FLI1: variants seen among roughly 807,000 people sequenced by gnomAD.
The protein encoded by FLI1 is Friend leukemia integration 1 transcription factor.
Under a neutral mutation model 53.1 loss-of-function variants are expected in FLI1, and 13 were observed. The ratio of observed to expected loss-of-function variants is 0.24; its 90% confidence interval spans 0.16 to 0.39. The LOEUF (loss-of-function observed/expected upper bound fraction) is 0.39, where lower values mean the gene tolerates loss of function less well. FLI1 is among the 10% of genes least tolerant of loss of function. The pLI is 1.00. For synonymous variants in FLI1, 244 were observed against 236.7 expected (o/e 1.03, Z -0.28); for missense variants, 424 against 600.5 (o/e 0.71, Z 3.07).
At chr11:128,759,446 A>G (rs1941025831) in intron 2 of FLI1, among the ~76,000 whole-genome samples, 9 of 152,242 alleles carry the variant, frequency 5.9e-5, no homozygotes, top group Admixed American at 5.9e-4. Context: ...AGTCAGAAAG[A>G]CAAGTGAAGA....
intron 1 of FLI1, among the ~76,000 whole-genome samples, chr11:128,736,275 C>T (rs748232757): frequency 1.3e-5 from 2 of 148,624 alleles, no homozygotes; most frequent in Non-Finnish European, 3.0e-5. Context: ...AGACAAAGAA[C>T]ACCTGATAAT....
intron 1 of FLI1, among the ~76,000 whole-genome samples, chr11:128,703,433 G>A (rs747971366): frequency 2.0e-5 from 3 of 152,124 alleles, no homozygotes; most frequent in African/African-American, 4.8e-5. Flanking sequence ...AAACAAAGGA[G>A]GAAAGATTCA....
intron 1 of FLI1, among the ~76,000 whole-genome samples, chr11:128,719,885 A>G (rs887833387): frequency 6.6e-6 from 1 of 152,222 alleles, no homozygotes; most frequent in Admixed American, 6.5e-5. Context: ...TAGTAAGCCC[A>G]TCCTGCAGGT....
chr11:128,791,126 G>A (rs1379643063), intron 5 of FLI1, among the ~76,000 whole-genome samples: 1 of 152,108 alleles, frequency 6.6e-6, no homozygotes, highest in African/African-American at 2.4e-5. Context: ...ATTCAGCTCT[G>A]TGGGACCGCT....
At chr11:128,744,345 C>T (rs1017800448) in intron 1 of FLI1, among the ~76,000 whole-genome samples, 5 of 152,320 alleles carry the variant, frequency 3.3e-5, no homozygotes, top group African/African-American at 1.2e-4. Context: ...GATCATGTAG[C>T]TCAGTCCTTT....
intron 2 of FLI1, among the ~76,000 whole-genome samples, chr11:128,766,389 A>G (rs1941341025): frequency 6.6e-6 from 1 of 152,196 alleles, no homozygotes; most frequent in Non-Finnish European, 1.5e-5. Flanking sequence ...GTAGGCGAAT[A>G]GTAAAACCTT....
chr11:128,689,026 T>G (rs1937637439), upstream of FLI1, among the ~76,000 whole-genome samples: 1 of 152,182 alleles, frequency 6.6e-6, no homozygotes, highest in African/African-American at 2.4e-5. Context: ...CCAGGCAAGT[T>G]CTAAAGGCTT....
intron 1 of FLI1, among the ~76,000 whole-genome samples, chr11:128,742,947 G>C (rs1201275857): frequency 6.6e-6 from 1 of 152,170 alleles, no homozygotes; most frequent in African/African-American, 2.4e-5. Flanking sequence ...TGGACATTTT[G>C]CTCTCACAGT....
chr11:128,697,187 A>G (rs1938117170), intron 1 of FLI1, among the ~76,000 whole-genome samples: 1 of 152,232 alleles, frequency 6.6e-6, no homozygotes, highest in Non-Finnish European at 1.5e-5. Flanking sequence ...GCTTTAAGAA[A>G]TGACCTGGTT....
intron 1 of FLI1, among the ~76,000 whole-genome samples, chr11:128,757,478 C>CCT (rs1326058278): frequency 2.0e-5 from 3 of 152,220 alleles, no homozygotes; most frequent in Non-Finnish European, 2.9e-5. Context: ...GCATTTCTTA[C>CCT]AAGCTACACC....
chr11:128,790,481 A>G (rs1177159507), intron 5 of FLI1, among the ~76,000 whole-genome samples: 1 of 152,144 alleles, frequency 6.6e-6, no homozygotes, highest in Non-Finnish European at 1.5e-5. Context: ...TCTGAATTCA[A>G]TTTGACAGCT....
chr11:128,770,694 T>G (rs1217378246), intron 3 of FLI1, among the ~76,000 whole-genome samples: 3 of 152,206 alleles, frequency 2.0e-5, no homozygotes, highest in Non-Finnish European at 2.9e-5. Context: ...TTTGAGGCCT[T>G]GGATACTAAA....
intron 2 of FLI1, among the ~76,000 whole-genome samples, chr11:128,761,265 C>T (rs187147815): frequency 4.6e-5 from 7 of 152,278 alleles, no homozygotes; most frequent in East Asian, 3.9e-4. Context: ...CTCTCCCTCA[C>T]GAGTTTTGGG....
In FLI1 at chr11:128,778,663, C is replaced by T. The variant is rs114072535; in HGVS notation, c.590-3295C>T. Among the ~76,000 whole-genome samples the T allele has an allele frequency of 3.9e-3, 595 of 152,356 alleles. 1 individual carries two copies. Among genetic ancestry groups the T allele is most frequent in the African/African-American group, 0.01 (436 of 41,584 alleles). Reference sequence around the variant, plus strand: ...AAATAGATGGAAAGCGTCTGGCACACCGTGCATGTTCAGGGAGCACTGCGT... The same window carrying T: ...AAATAGATGGAAAGCGTCTGGCACATCGTGCATGTTCAGGGAGCACTGCGT... On this transcript the variant is annotated intron_variant, in intron 4 of 8. Coordinates refer to ENST00000527786, the MANE Select transcript of FLI1 (RefSeq NM_002017.5).
chr11:128,746,810 T>G (rs1271608739), intron 1 of FLI1, among the ~76,000 whole-genome samples: 2 of 152,102 alleles, frequency 1.3e-5, no homozygotes, highest in Non-Finnish European at 2.9e-5. Flanking sequence ...AAACTTTCAG[T>G]AAAGGATGGT....
rs1942940956 is a variant in FLI1 at position 128,811,696 on chromosome 11, T to G, written c.*708T>G. On this transcript the variant is annotated 3_prime_UTR_variant, in exon 9 of 9. Transcript: ENST00000527786. Reference sequence around the variant, plus strand: ...GACGGGGAATTAAATTACTAATTTTTTTTTTTTTTTAAATGATGACAGTGG... The same window carrying G: ...GACGGGGAATTAAATTACTAATTTTGTTTTTTTTTTAAATGATGACAGTGG... The G allele has an allele frequency of 4.9e-6, 1 of 202,042 alleles. No homozygotes were observed. The highest frequency in any genetic ancestry group is 1.9e-4 in the South Asian group (1 of 5,240). 12.5% of individuals were successfully genotyped at this position (202,042 alleles called of 1,614,324 possible).
intron 5 of FLI1, among the ~76,000 whole-genome samples, chr11:128,802,413 A>C (rs1942660454): frequency 6.6e-6 from 1 of 152,188 alleles, no homozygotes; most frequent in Non-Finnish European, 1.5e-5. Context: ...TGGGAATAAA[A>C]AAGAAATGAG....
intron 1 of FLI1, among the ~76,000 whole-genome samples, chr11:128,757,524 A>G (rs574169574): frequency 6.6e-6 from 1 of 151,984 alleles, no homozygotes; most frequent in Non-Finnish European, 1.5e-5. Flanking sequence ...CCACCTATCG[A>G]CTCTGTGCTA....
At chr11:128,732,880 G>A (rs1369066549) in intron 1 of FLI1, among the ~76,000 whole-genome samples, 2 of 152,330 alleles carry the variant, frequency 1.3e-5, no homozygotes, top group East Asian at 3.9e-4. Context: ...TTGTGGCAGA[G>A]AAAGAGAGGA....
Sources: allele counts gnomAD v4.1 joint callset (sites outside exome capture counted in the v4.1 genomes callset), GRCh38; gene constraint gnomAD v4.1.1; transcripts MANE v1.5; gene names NCBI Gene and HGNC (gene_info 2026-07-23, HGNC 2026-07-21).